The following TSPAN5 variants were observed in gnomAD, a reference collection of about 807,000 sequenced individuals.
The protein encoded by TSPAN5 is tetraspanin 5.
Under a neutral mutation model 37.1 loss-of-function variants are expected in TSPAN5, and 10 were observed. The observed-to-expected ratio is 0.27, with a 90% CI of 0.17 to 0.46. TSPAN5 has a LOEUF of 0.46. TSPAN5 is among the 20% of genes least tolerant of loss of function. TSPAN5 has a pLI of 1.00. For missense variants in TSPAN5, 195 were observed against 326.6 expected (o/e 0.60, Z 3.11); for synonymous variants, 110 against 118.9 (o/e 0.93, Z 0.48).
intron 1 of TSPAN5, among the ~76,000 whole-genome samples, chr4:98,551,689 A>T (rs1489554400): frequency 2.7e-5 from 4 of 146,950 alleles, no homozygotes; most frequent in Non-Finnish European, 6.0e-5. Flanking sequence ...TTTAGTAGAG[A>T]TGGGGTTTCA....
intron 1 of TSPAN5, among the ~76,000 whole-genome samples, chr4:98,562,655 G>T (rs1255324446): frequency 6.7e-6 from 1 of 148,936 alleles, no homozygotes; most frequent in Non-Finnish European, 1.5e-5. Flanking sequence ...GCGAGACTCT[G>T]TCTCAAAAAA....
chr4:98,614,942 A>G (rs1756286281), intron 1 of TSPAN5, among the ~76,000 whole-genome samples: 1 of 152,192 alleles, frequency 6.6e-6, no homozygotes, highest in Non-Finnish European at 1.5e-5. Flanking sequence ...TATATACACT[A>G]TGCCCTATTG....
At chr4:98,543,276 G>A (rs746779640) in intron 1 of TSPAN5, among the ~76,000 whole-genome samples, 13 of 152,244 alleles carry the variant, frequency 8.5e-5, no homozygotes, top group Middle Eastern at 3.4e-3. Flanking sequence ...TTCTCGCATC[G>A]TGGATGTGCC....
chr4:98,594,259 A>G (rs1755715372), intron 1 of TSPAN5, among the ~76,000 whole-genome samples: 1 of 128,332 alleles, frequency 7.8e-6, no homozygotes, highest in African/African-American at 3.6e-5. Context: ...TTGGTGTATA[A>G]GAATGCTTGT....
intron 1 of TSPAN5, among the ~76,000 whole-genome samples, chr4:98,534,415 T>C (rs1754185660): frequency 6.6e-6 from 1 of 152,228 alleles, no homozygotes; most frequent in Non-Finnish European, 1.5e-5. Context: ...TAGCATTTGC[T>C]GAGGAGTGTT....
At chr4:98,507,513 T>C (rs182590696) in intron 2 of TSPAN5, among the ~76,000 whole-genome samples, 165 bp downstream of exon 2, 1 of 152,346 alleles carries the variant, frequency 6.6e-6, no homozygotes, top group Admixed American at 6.5e-5. Flanking sequence ...GCACAATTCC[T>C]AAAGTGTCTT....
intron 1 of TSPAN5, among the ~76,000 whole-genome samples, chr4:98,572,537 A>G (rs984469184): frequency 6.6e-6 from 1 of 152,244 alleles, no homozygotes; most frequent in African/African-American, 2.4e-5. Flanking sequence ...CATAAACACT[A>G]TAAAGCCTAC....
At chr4:98,610,579 A>G (rs1453425046) in intron 1 of TSPAN5, among the ~76,000 whole-genome samples, 1 of 152,164 alleles carries the variant, frequency 6.6e-6, no homozygotes, top group Non-Finnish European at 1.5e-5. Context: ...CAATTACTAG[A>G]CCACACAGCA....
chr4:98,588,122 GTCCTT>G (rs1216638065), intron 1 of TSPAN5, among the ~76,000 whole-genome samples: 10 of 152,046 alleles, frequency 6.6e-5, no homozygotes, highest in African/African-American at 2.4e-4. Context: ...ACTTTTCAGA[GTCCTT>G]TCATTTTCCT....
intron 1 of TSPAN5, among the ~76,000 whole-genome samples, chr4:98,519,249 G>T (rs947146724): frequency 6.6e-5 from 10 of 152,186 alleles, no homozygotes; most frequent in African/African-American, 2.4e-4. Context: ...CCAGCACTTT[G>T]GGAGGCCAAT....
At chr4:98,538,370 A>C (rs1244654221) in intron 1 of TSPAN5, among the ~76,000 whole-genome samples, 1 of 152,226 alleles carries the variant, frequency 6.6e-6, no homozygotes, top group Non-Finnish European at 1.5e-5. Context: ...AGGTCCAGAA[A>C]GCCACACACC....
chr4:98,476,532 G>T, intron 5 of TSPAN5, 72 bp from the exon 6 acceptor site: 1 of 1,448,196 alleles, frequency 6.9e-7, no homozygotes, highest in Non-Finnish European at 9.7e-7. Flanking sequence ...ATGAGCAGAA[G>T]ACTTCTGTTA....
intron 1 of TSPAN5, among the ~76,000 whole-genome samples, chr4:98,642,256 G>A (rs1482797811): frequency 6.6e-6 from 1 of 152,162 alleles, no homozygotes; most frequent in Non-Finnish European, 1.5e-5. Context: ...TAGAATCACA[G>A]AAAGAAGGGG....
intron 1 of TSPAN5, among the ~76,000 whole-genome samples, chr4:98,569,805 C>T (rs572662752): frequency 6.6e-5 from 10 of 152,300 alleles, no homozygotes; most frequent in African/African-American, 1.9e-4. Flanking sequence ...AGTCCAATGA[C>T]TGGTTGGGAC....
chr4:98,540,019 C>A (rs1754322500), intron 1 of TSPAN5, among the ~76,000 whole-genome samples: 1 of 147,806 alleles, frequency 6.8e-6, no homozygotes, highest in African/African-American at 2.5e-5. Context: ...CCAGACAAAG[C>A]TCCAGGTGAC....
intron 1 of TSPAN5, among the ~76,000 whole-genome samples, chr4:98,643,053 C>T (rs564311991): frequency 3.3e-5 from 5 of 152,172 alleles, no homozygotes; most frequent in Non-Finnish European, 7.3e-5. Context: ...TAGGCCTTCC[C>T]TTTCACTCAC....
At position 98,511,990 on chromosome 4, in the gene TSPAN5, G is replaced by A. The variant is rs931329941; in HGVS notation, c.82-4262C>T. On this transcript the variant is annotated intron_variant, in intron 1 of 7. Coordinates refer to ENST00000305798, the MANE Select transcript of TSPAN5 (RefSeq NM_005723.4). ...AGCACTTTGGGAGGCCAAGGTGGGC[G>A]GATCATGAGGTCAAGAGATCGAGAC... is the stretch of plus-strand genomic sequence containing the variant. 4.6e-5 allele frequency among the ~76,000 whole-genome samples: 7 copies of A among 152,088 alleles called. No homozygotes were observed. The South Asian group carries it at 6.2e-4, about 14-fold the overall frequency.
intron 1 of TSPAN5, among the ~76,000 whole-genome samples, chr4:98,541,694 A>AGAG (rs1234452528): frequency 2.9e-3 from 279 of 95,070 alleles, no homozygotes; most frequent in Middle Eastern, 0.029. Context: ...AAAAAAAAAA[A>AGAG]AGAGAGAGAG....
intron 7 of TSPAN5, among the ~76,000 whole-genome samples, chr4:98,473,373 C>T (rs1385356466): frequency 6.6e-6 from 1 of 151,920 alleles, no homozygotes; most frequent in Non-Finnish European, 1.5e-5. Flanking sequence ...ACCGCTTTAA[C>T]GAGTATGAAA....
Sources: allele counts gnomAD v4.1 joint callset (sites outside exome capture counted in the v4.1 genomes callset), GRCh38; gene constraint gnomAD v4.1.1; transcripts MANE v1.5; gene names NCBI Gene and HGNC (gene_info 2026-07-23, HGNC 2026-07-21).